Variants in FAT3 observed in about 807,000 individuals in gnomAD.
FAT3 encodes the protein FAT atypical cadherin 3, also known as protocadherin Fat 3.
A neutral mutation model predicts 310.2 loss-of-function variants in FAT3; 95 were observed. The observed-to-expected ratio is 0.31, with a 90% CI of 0.26 to 0.36. The LOEUF (loss-of-function observed/expected upper bound fraction) is 0.36. Ranked by LOEUF, FAT3 falls within the 10% of genes least tolerant of loss-of-function variation. The pLI is 1.00. For synonymous variants in FAT3, 2,314 were observed against 2,192.9 expected (o/e 1.06, Z -1.54); for missense variants, 5,408 against 5,715.6 (o/e 0.95, Z 1.74).
chr11:92,447,228 T>TGC (rs1555049378), intron 2 of FAT3, among the ~76,000 whole-genome samples: 9 of 149,814 alleles, frequency 6.0e-5, no homozygotes, highest in African/African-American at 1.5e-4. Context: ...TGTGCGTGTG[T>TGC]GTGTGTGTGT....
chr11:92,668,728 G>A (rs1943035320), intron 3 of FAT3, among the ~76,000 whole-genome samples: 1 of 152,148 alleles, frequency 6.6e-6, no homozygotes. Context: ...AAATTACTTA[G>A]CAAATGGATC....
chr11:92,523,489 TCC>T (rs1953751696), intron 2 of FAT3, among the ~76,000 whole-genome samples: 2 of 152,140 alleles, frequency 1.3e-5, no homozygotes, highest in Non-Finnish European at 2.9e-5. Flanking sequence ...ACAGATGCCC[TCC>T]TCTCTCCCCG....
intron 1 of FAT3, among the ~76,000 whole-genome samples, chr11:92,324,781 G>A (rs1947722252): frequency 6.6e-6 from 1 of 152,176 alleles, no homozygotes. Context: ...ACAGTGAAGT[G>A]CAATAACATG....
intron 3 of FAT3, among the ~76,000 whole-genome samples, chr11:92,658,419 G>T (rs1312111547): frequency 6.6e-6 from 1 of 152,188 alleles, no homozygotes; most frequent in Non-Finnish European, 1.5e-5. Flanking sequence ...GCACAGCACA[G>T]GTTCAGACTC....
chr11:92,780,493 G>T (rs897376899), intron 7 of FAT3, among the ~76,000 whole-genome samples: 1 of 152,104 alleles, frequency 6.6e-6, no homozygotes, highest in Non-Finnish European at 1.5e-5. Context: ...GATACAAATA[G>T]AAAAATAACG....
intron 2 of FAT3, among the ~76,000 whole-genome samples, chr11:92,392,160 G>A (rs1203879811): frequency 6.6e-6 from 1 of 152,074 alleles, no homozygotes; most frequent in Non-Finnish European, 1.5e-5. Flanking sequence ...AGACATGCAC[G>A]CACGCACACA....
intron 2 of FAT3, among the ~76,000 whole-genome samples, chr11:92,440,433 G>A (rs140391214): frequency 8.3e-4 from 126 of 152,298 alleles, no homozygotes; most frequent in African/African-American, 2.8e-3. Context: ...TCAGATCATC[G>A]TTGGGTTGAG....
chr11:92,775,732 G>A (rs1411667628), intron 7 of FAT3, among the ~76,000 whole-genome samples: 1 of 152,100 alleles, frequency 6.6e-6, no homozygotes, highest in Admixed American at 6.6e-5. Context: ...ACCAAAATTA[G>A]TTTTCTAAAA....
chr11:92,480,197 A>G lies in FAT3; in HGVS notation c.3293-44437A>G, dbSNP rs564170662. Among the ~76,000 whole-genome samples the G allele has an allele frequency of 1.2e-4, 19 of 152,264 alleles. No individual in the cohort carries two copies. The South Asian group carries it at 3.5e-3, about 28-fold the overall frequency. On this transcript the variant is annotated intron_variant, in intron 2 of 27. Transcript: ENST00000525166. The stretch of plus-strand genomic sequence containing the variant: ...GGAGAATGGCATGAACCCAAGAGGC[A>G]GAGCTTACCGCGAGCCGAGATGGCA...
In FAT3 at chr11:92,867,029, C is replaced by T. The variant is rs2136350760; in HGVS notation, c.11947C>T (p.Gln3983Ter). The T allele has an allele frequency of 6.3e-7, 1 of 1,592,864 alleles. No homozygotes were observed. The highest frequency in any genetic ancestry group is 8.5e-7 in the Non-Finnish European group (1 of 1,169,770). The change falls in exon 22 of 28, where the codon CAG becomes TAG. Residue 3983 changes from glutamine (Q) to a stop codon, truncating the protein, a stop_gained. Coordinates refer to ENST00000525166, the MANE Select transcript of FAT3 (RefSeq NM_001367949.2). LOFTEE classifies it high-confidence loss of function. ...GGTCACGCAGGTGCTCAGCGGCTTC[C>T]AGGGCTGCCTGGACTCGGTGATACT... ...TRVTQVLSGF[Q>*]GCLDSVILNN...
At chr11:92,512,746 G>A (rs968567257) in intron 2 of FAT3, among the ~76,000 whole-genome samples, 1 of 151,464 alleles carries the variant, frequency 6.6e-6, no homozygotes, top group African/African-American at 2.4e-5. Context: ...TGGGCCTGGT[G>A]CAGGAACTCA....
At chr11:92,324,106 A>G (rs1947703590) in intron 1 of FAT3, among the ~76,000 whole-genome samples, 1 of 152,196 alleles carries the variant, frequency 6.6e-6, no homozygotes, top group African/African-American at 2.4e-5. Context: ...GGCTTAAGGG[A>G]ATGTTGTGGC....
In FAT3 at chr11:92,891,192, C is replaced by A; in HGVS notation, c.*79C>A. The A allele has an allele frequency of 3.3e-6, 5 of 1,532,006 alleles. No individual in the cohort carries two copies. Among genetic ancestry groups the A allele is most frequent in the Non-Finnish European group, 4.4e-6 (5 of 1,132,154 alleles). 94.9% of individuals were successfully genotyped at this position (1,532,006 alleles called of 1,614,324 possible). A position where few individuals can be genotyped will look rare whatever the true frequency, so the allele number is the denominator to read the frequency against. ...TGGCTGGGCTTCTGTCCCAGTGGAG[C>A]ATTGTCTGTGGAATGAGAAGGGAAT... On this transcript the variant is annotated 3_prime_UTR_variant, in exon 28 of 28. Coordinates refer to ENST00000525166, the MANE Select transcript of FAT3 (RefSeq NM_001367949.2).
chr11:92,301,760 A>G (rs1334225363), intron 1 of FAT3, among the ~76,000 whole-genome samples: 1 of 152,064 alleles, frequency 6.6e-6, no homozygotes, highest in Non-Finnish European at 1.5e-5. Flanking sequence ...TTGAAGGATC[A>G]AATGTCCAAA....
At chr11:92,673,258 A>G in intron 3 of FAT3, among the ~76,000 whole-genome samples, 1 of 152,228 alleles carries the variant, frequency 6.6e-6, no homozygotes, top group East Asian at 1.9e-4. Context: ...CATAAACTAC[A>G]AACATTTTTC....
At chr11:92,326,510 C>T (rs916847842) in intron 1 of FAT3, among the ~76,000 whole-genome samples, 1 of 152,226 alleles carries the variant, frequency 6.6e-6, no homozygotes, top group African/African-American at 2.4e-5. Flanking sequence ...TTTCAACCAG[C>T]CATCTACCTG....
intron 4 of FAT3, among the ~76,000 whole-genome samples, chr11:92,737,962 T>C (rs1358137016): frequency 6.6e-6 from 1 of 152,160 alleles, no homozygotes; most frequent in Non-Finnish European, 1.5e-5. Flanking sequence ...CGATTTTTCA[T>C]TGTTCTCATT....
intron 1 of FAT3, among the ~76,000 whole-genome samples, chr11:92,226,154 C>T (rs529223899): frequency 1.3e-5 from 2 of 151,632 alleles, no homozygotes; most frequent in South Asian, 4.2e-4. Flanking sequence ...TGGCCTGGAC[C>T]ATCTTGGCGC....
intron 22 of FAT3, among the ~76,000 whole-genome samples, chr11:92,879,487 A>G (rs1458975634): frequency 6.6e-6 from 1 of 152,210 alleles, no homozygotes; most frequent in Non-Finnish European, 1.5e-5. Flanking sequence ...ATTAACAATC[A>G]ATATTCAGAA....
Sources: gnomAD v4.1 joint callset for allele counts (sites outside exome capture counted in the v4.1 genomes callset) on GRCh38, gnomAD v4.1.1 for gene constraint, MANE v1.5 for transcripts, NCBI Gene and HGNC (gene_info 2026-07-23, HGNC 2026-07-21) for gene names.